The following ARHGAP31 variants were observed in gnomAD, a reference collection of about 807,000 sequenced individuals.
ARHGAP31 encodes rho GTPase-activating protein 31.
Under a neutral mutation model 113.9 loss-of-function variants are expected in ARHGAP31, and 34 were observed. That is an observed-to-expected ratio of 0.30 (90% CI 0.23 to 0.40). The LOEUF (loss-of-function observed/expected upper bound fraction) is 0.40, where lower values mean the gene tolerates loss of function less well. Ranked by LOEUF, ARHGAP31 falls within the 10% of genes least tolerant of loss-of-function variation. The probability of loss-of-function intolerance (pLI) is 1.00; values close to 1 mark genes in which losing one functional copy is unlikely to be tolerated. For synonymous variants in ARHGAP31, 650 were observed against 684.8 expected (o/e 0.95, Z 0.79); for missense variants, 1,548 against 1,767.1 (o/e 0.88, Z 2.22).
chr3:119,342,644 C>A (rs2080019377), intron 1 of ARHGAP31, among the ~76,000 whole-genome samples: 1 of 152,170 alleles, frequency 6.6e-6, no homozygotes. Flanking sequence ...AGAACCAAAA[C>A]ATTTTCATTT....
chr3:119,320,454 A>G (rs2079772457), intron 1 of ARHGAP31, among the ~76,000 whole-genome samples: 2 of 152,228 alleles, frequency 1.3e-5, no homozygotes, highest in Admixed American at 6.5e-5. Context: ...CCTTGGGCCA[A>G]ATGTGAAGAT....
At chr3:119,305,506 G>A (rs1419457528) in intron 1 of ARHGAP31, among the ~76,000 whole-genome samples, 1 of 152,102 alleles carries the variant, frequency 6.6e-6, no homozygotes, top group Non-Finnish European at 1.5e-5. Context: ...CTCCCTGCCA[G>A]CCCCTCCCCT....
chr3:119,391,606 G>GCCCCCCCCC (rs1559990445), intron 7 of ARHGAP31, among the ~76,000 whole-genome samples: 1 of 108,982 alleles, frequency 9.2e-6, no homozygotes, highest in East Asian at 3.1e-4. Flanking sequence ...CCTCCCCCCC[G>GCCCCCCCCC]CCGTCACTCA....
chr3:119,398,749 A>G (rs966240967), intron 8 of ARHGAP31, among the ~76,000 whole-genome samples: 1 of 152,118 alleles, frequency 6.6e-6, no homozygotes, highest in Admixed American at 6.5e-5. Context: ...CCTAACTCCA[A>G]TTCCCTTGGG....
At position 119,385,438 on chromosome 3, in the gene ARHGAP31, G is replaced by A. The variant is rs115879308; in HGVS notation, c.682+2212G>A. 1.6e-3 allele frequency among the ~76,000 whole-genome samples: 236 copies of A among 152,054 alleles called. 1 individual carries two copies. Among genetic ancestry groups the A allele is most frequent in the African/African-American group, 5.0e-3 (207 of 41,488 alleles). ...CATACACGTTTTTGTTTGAATATAC[G>A]TTTTCAATTCTCTTTATTATATATG... On this transcript the variant is annotated intron_variant, in intron 6 of 11. Transcript: ENST00000264245.
At chr3:119,406,916 C>G (rs988484756) in intron 10 of ARHGAP31, among the ~76,000 whole-genome samples, 4 of 152,142 alleles carry the variant, frequency 2.6e-5, no homozygotes, top group Admixed American at 1.3e-4. Context: ...CAACAAAATA[C>G]TCTTTATTGA....
At chr3:119,389,973 A>G (rs2080489686) in intron 6 of ARHGAP31, among the ~76,000 whole-genome samples, 1 of 152,212 alleles carries the variant, frequency 6.6e-6, no homozygotes, top group Admixed American at 6.5e-5. Context: ...TGCCTACTAG[A>G]CACCAGTAGC....
At position 119,416,217 on chromosome 3, in the gene ARHGAP31, C is replaced by T. The variant is rs773586929; in HGVS notation, c.4288C>T (p.Arg1430Trp). 1.8e-5 allele frequency: 29 copies of T among 1,614,024 alleles called. No homozygotes were observed. Among genetic ancestry groups the T allele is most frequent in the African/African-American group, 2.7e-5 (2 of 74,906 alleles). Reference sequence around the variant, plus strand: ...AACCAGCTGTTTTTACCAGCCTCAGCGGAGATCAGTAATTCTGGATGGAAG... The same window carrying T: ...AACCAGCTGTTTTTACCAGCCTCAGTGGAGATCAGTAATTCTGGATGGAAG... ...TSTSCFYQPQ[R>W]RSVILDGRSG... Residue 1430 changes from arginine to tryptophan, a missense_variant, in exon 12 of 12, where the codon CGG becomes TGG. Coordinates refer to ENST00000264245, the MANE Select transcript of ARHGAP31 (RefSeq NM_020754.4).
intron 1 of ARHGAP31, among the ~76,000 whole-genome samples, chr3:119,331,897 T>C (rs1336279357): frequency 6.6e-6 from 1 of 152,082 alleles, no homozygotes. Context: ...CCTGGCTGCC[T>C]GCACCGCCTC....
In ARHGAP31 at chr3:119,319,474, C is replaced by A. The variant is rs887768226; in HGVS notation, c.100+24470C>A. Among the ~76,000 whole-genome samples the A allele has an allele frequency of 5.9e-5, 9 of 152,150 alleles. No homozygotes were observed. The East Asian group carries it at 9.6e-4, about 16-fold the overall frequency. ...CACGGTACATTATAGCATAAGACAT[C>A]TTAAGAAGATAACATTTCACTGCAT... On this transcript the variant is annotated intron_variant, in intron 1 of 11. Transcript: ENST00000264245.
intron 1 of ARHGAP31, among the ~76,000 whole-genome samples, chr3:119,325,375 GAC>G (rs1559967356): frequency 1.3e-5 from 2 of 152,142 alleles, no homozygotes; most frequent in African/African-American, 4.8e-5. Context: ...ATCTTCCCAA[GAC>G]GCTGTGACTC....
Position 119,415,940 on chromosome 3 carries a change from C to T in ARHGAP31, c.4011C>T (p.His1337=), listed in dbSNP as rs769863129. The part of the protein sequence containing the change: ...ERPSGGSKPF[H]RSRPGRPQSL... ...CATCTGGGGGTTCTAAGCCTTTCCACAGGTCAAGGCCAGGAAGACCTCAGA... is the reference window on the plus strand; with the variant it reads ...CATCTGGGGGTTCTAAGCCTTTCCATAGGTCAAGGCCAGGAAGACCTCAGA... Residue 1337 remains histidine, a synonymous_variant, in exon 12 of 12, where the codon CAC becomes CAT. Coordinates refer to ENST00000264245, the MANE Select transcript of ARHGAP31 (RefSeq NM_020754.4). The T allele has an allele frequency of 6.2e-7, 1 of 1,614,198 alleles. No homozygotes were observed. Among genetic ancestry groups the T allele is most frequent in the Admixed American group, 1.7e-5 (1 of 60,030 alleles).
At chr3:119,299,643 G>T (rs2079562860) in intron 1 of ARHGAP31, among the ~76,000 whole-genome samples, 1 of 152,144 alleles carries the variant, frequency 6.6e-6, no homozygotes, top group South Asian at 2.1e-4. Flanking sequence ...TTAAGGCATT[G>T]TGGTAGATAC....
chr3:119,384,926 G>C (rs1014344308), intron 6 of ARHGAP31, among the ~76,000 whole-genome samples: 5 of 146,958 alleles, frequency 3.4e-5, no homozygotes, highest in Non-Finnish European at 7.5e-5. Flanking sequence ...GGTCTTTGGT[G>C]ACTTTTTTTT....
At chr3:119,352,194 G>C (rs2080115818) in intron 1 of ARHGAP31, among the ~76,000 whole-genome samples, 1 of 152,206 alleles carries the variant, frequency 6.6e-6, no homozygotes, top group Non-Finnish European at 1.5e-5. Flanking sequence ...CCAGCTCTAA[G>C]ACCAAGGTCA....
At chr3:119,387,210 G>A (rs1559988658) in intron 6 of ARHGAP31, among the ~76,000 whole-genome samples, 1 of 152,192 alleles carries the variant, frequency 6.6e-6, no homozygotes, top group Non-Finnish European at 1.5e-5. Flanking sequence ...CTTCCCAGAC[G>A]CTGGCTTCAC....
chr3:119,302,717 G>A (rs991299604), intron 1 of ARHGAP31, among the ~76,000 whole-genome samples: 6 of 152,326 alleles, frequency 3.9e-5, no homozygotes, highest in Middle Eastern at 3.4e-3. Flanking sequence ...TTGAAATCAA[G>A]ATCTGTATGA....
intron 10 of ARHGAP31, among the ~76,000 whole-genome samples, chr3:119,406,524 A>T (rs1182411979): frequency 1.3e-5 from 2 of 152,210 alleles, no homozygotes; most frequent in Non-Finnish European, 2.9e-5. Flanking sequence ...TGGTTGAATA[A>T]CTAGGGTGCA....
intron 1 of ARHGAP31, among the ~76,000 whole-genome samples, chr3:119,361,900 G>A (rs1234015024): frequency 6.6e-6 from 1 of 152,236 alleles, no homozygotes; most frequent in Non-Finnish European, 1.5e-5. Context: ...ACACTTCACA[G>A]TGATTGGGAC....
Sources: allele counts gnomAD v4.1 joint callset (sites outside exome capture counted in the v4.1 genomes callset), GRCh38; gene constraint gnomAD v4.1.1; transcripts MANE v1.5; gene names NCBI Gene and HGNC (gene_info 2026-07-23, HGNC 2026-07-21).